The following SPHK1 variants were observed in gnomAD, a reference collection of about 807,000 sequenced individuals.
SPHK1 encodes the protein sphingosine kinase 1, also known as SK 1.
A neutral mutation model predicts 14.6 loss-of-function variants in SPHK1; 10 were observed. That is an observed-to-expected ratio of 0.68 (90% confidence interval 0.42 to 1.16). The LOEUF is 1.16. SPHK1 is among the 50% of genes most tolerant of loss of function. The pLI is 0.00. For synonymous variants in SPHK1, 274 were observed against 224.0 expected (o/e 1.22, Z -1.99); for missense variants, 553 against 525.4 (o/e 1.05, Z -0.51).
Position 76,385,220 on chromosome 17 carries a change from G to C in SPHK1, c.-194-231G>C, listed in dbSNP as rs995769092. 6.4e-7 allele frequency: 1 copy of C among 1,551,754 alleles called. No homozygotes were observed. Among genetic ancestry groups the C allele is most frequent in the African/African-American group, 1.4e-5 (1 of 73,386 alleles). Reference sequence around the variant, plus strand: ...GCCACGGGGCTCTGACTCATCCGTCGGGCCGGAACCGAACCCCAAGCCCCA... The same window carrying C: ...GCCACGGGGCTCTGACTCATCCGTCCGGCCGGAACCGAACCCCAAGCCCCA... On this transcript the variant is annotated intron_variant, in intron 1 of 5. Coordinates refer to ENST00000592299, the MANE Select transcript of SPHK1 (RefSeq NM_001142601.2). This position sits in a 1 kb window ranked among gnomAD's most constrained non-coding sequence, Gnocchi z 5.3.
rs1235296533 is a variant in SPHK1, at chr17:76,385,183, C to T, written c.-194-268C>T. 6.3e-7 allele frequency: 1 copy of T among 1,578,968 alleles called. No homozygotes were observed. Among genetic ancestry groups the T allele is most frequent in the Non-Finnish European group, 8.6e-7 (1 of 1,163,830 alleles). ...CAGCCCCGAGGGGTGAGGAGCTAGTCCGTCGGAGGGAGCCACGGGGCTCTG... is the reference window on the plus strand; with the variant it reads ...CAGCCCCGAGGGGTGAGGAGCTAGTTCGTCGGAGGGAGCCACGGGGCTCTG... On this transcript the variant is annotated intron_variant, in intron 1 of 5. Coordinates refer to ENST00000592299, the MANE Select transcript of SPHK1 (RefSeq NM_001142601.2). This position sits in a 1 kb window ranked among gnomAD's most constrained non-coding sequence, Gnocchi z 5.3.
chr17:76,387,507 T>C lies in SPHK1; in HGVS notation c.1076T>C (p.Phe359Ser). ...CAGGGCCAGGTGCACCCAAACTACTTCTGGATGGTCAGCGGTTGCGTGGAG... is the reference window on the plus strand; with the variant it reads ...CAGGGCCAGGTGCACCCAAACTACTCCTGGATGGTCAGCGGTTGCGTGGAG... ...AVQGQVHPNY[F>S]WMVSGCVEPP... The change falls in exon 6 of 6, where the codon TTC becomes TCC. Residue 359 changes from phenylalanine (F) to serine (S), a missense_variant. Transcript: ENST00000592299. This position sits in a 1 kb window ranked among gnomAD's most constrained non-coding sequence, Gnocchi z 4.1. The C allele has an allele frequency of 3.1e-6, 5 of 1,612,694 alleles. No individual in the cohort carries two copies. Among genetic ancestry groups the C allele is most frequent in the Non-Finnish European group, 4.2e-6 (5 of 1,179,854 alleles).
At chr17:76,383,745 G>A (rs2071908263), upstream of SPHK1, 4 of 939,598 alleles carry the variant, frequency 4.3e-6, no homozygotes, top group Admixed American at 7.3e-5. Context: ...CAAACACACT[G>A]ACAAACGCGT....
At chr17:76,384,959 G>T in intron 1 of SPHK1, 153 bp downstream of exon 1, 3 of 901,710 alleles carry the variant, frequency 3.3e-6, no homozygotes, top group South Asian at 2.1e-5. Flanking sequence ...CCCGGGAGCG[G>T]CTCCCACGAG....
chr17:76,386,768 G>T lies in SPHK1; in HGVS notation c.375-38G>T. On this transcript the variant is annotated intron_variant, in intron 5 of 5. Coordinates refer to ENST00000592299, the MANE Select transcript of SPHK1 (RefSeq NM_001142601.2). This position sits in a 1 kb window ranked among gnomAD's most constrained non-coding sequence, Gnocchi z 5.3. ...AGGAGGAAGCGGGGGATACATGGGG[G>T]CTCCTGTCCTGCCTTATCTGACTTT... 6.6e-7 allele frequency: 1 copy of T among 1,515,678 alleles called. No individual in the cohort carries two copies. 93.9% of individuals were successfully genotyped at this position (1,515,678 alleles called of 1,614,324 possible).
At chr17:76,384,984 C>A in intron 1 of SPHK1, 178 bp downstream of exon 1, 1 of 1,186,670 alleles carries the variant, frequency 8.4e-7, no homozygotes, top group Non-Finnish European at 1.1e-6. Context: ...GCGCGCGTCG[C>A]AACGGAGCGG....
chr17:76,386,542 C>T lies in SPHK1; in HGVS notation c.374+34C>T, dbSNP rs772531834. 3.8e-6 allele frequency: 6 copies of T among 1,573,570 alleles called. No homozygotes were observed. Among genetic ancestry groups the T allele is most frequent in the East Asian group, 4.5e-5 (2 of 44,464 alleles). ...CCAGGGCCAGAGTAGGCCTGTTTCC[C>T]GTCAGTGCTCCTCTACCGCGGGGGT... On this transcript the variant is annotated intron_variant, in intron 5 of 5. Coordinates refer to ENST00000592299, the MANE Select transcript of SPHK1 (RefSeq NM_001142601.2). This position sits in a 1 kb window ranked among gnomAD's most constrained non-coding sequence, Gnocchi z 5.3.
In SPHK1 at chr17:76,386,060, A is replaced by G; in HGVS notation, c.86A>G (p.Lys29Arg). 1.2e-6 allele frequency: 2 copies of G among 1,608,320 alleles called. No individual in the cohort carries two copies. Among genetic ancestry groups the G allele is most frequent in the African/African-American group, 2.7e-5 (2 of 74,944 alleles). The change falls in exon 3 of 6, where the codon AAG becomes AGG. Residue 29 changes from lysine to arginine, a missense_variant. By Grantham distance (26) the Lys-to-Arg change is conservative. Transcript: ENST00000592299. The surrounding 1 kb of genome is among the most constrained non-coding windows in gnomAD (Gnocchi z 5.3). The stretch of plus-strand genomic sequence containing the variant: ...CTGAACCCGCGCGGCGGCAAGGGCA[A>G]GGCCTTGCAGCTCTTCCGGAGTCAC... The part of the protein sequence containing the change: ...VLLNPRGGKG[K>R]ALQLFRSHVQ...
Position 76,384,800 on chromosome 17 carries a change from C to T in SPHK1, c.-201C>T, listed in dbSNP as rs2071932337. On this transcript the variant is annotated 5_prime_UTR_variant, in exon 1 of 6. Coordinates refer to ENST00000592299, the MANE Select transcript of SPHK1 (RefSeq NM_001142601.2). ...GTGGCGCCTCCCCAGCAAACCGGAC[C>T]GACTGGGTAGGGCCGCCCACCCTGC... 1.5e-5 allele frequency: 4 copies of T among 266,552 alleles called. No individual in the cohort carries two copies. In the South Asian group the frequency reaches 2.6e-4, roughly 17 times the overall value. 16.5% of individuals were successfully genotyped at this position (266,552 alleles called of 1,614,324 possible). A position where few individuals can be genotyped will look rare whatever the true frequency, so the allele number is the denominator to read the frequency against.
chr17:76,385,097 T>C lies in SPHK1; in HGVS notation c.-195+291T>C. On this transcript the variant is annotated intron_variant, in intron 1 of 5. Transcript: ENST00000592299. The surrounding 1 kb of genome is among the most constrained non-coding windows in gnomAD (Gnocchi z 5.3). ...GCAGGGATCCTCTCCCAGAACTTCGTGCCCAGCAATGTCCGCTCAAGTTCT... is the reference window on the plus strand; with the variant it reads ...GCAGGGATCCTCTCCCAGAACTTCGCGCCCAGCAATGTCCGCTCAAGTTCT... The C allele has an allele frequency of 6.4e-7, 1 of 1,562,614 alleles. No homozygotes were observed. The highest frequency in any genetic ancestry group is 8.7e-7 in the Non-Finnish European group (1 of 1,153,414).
chr17:76,386,261 G>A lies in SPHK1; in HGVS notation c.204G>A (p.Glu68=). 6.3e-7 allele frequency: 1 copy of A among 1,595,900 alleles called. No individual in the cohort carries two copies. Residue 68 remains glutamate, a synonymous_variant, in exon 4 of 6, where the codon GAG becomes GAA. Coordinates refer to ENST00000592299, the MANE Select transcript of SPHK1 (RefSeq NM_001142601.2). This position sits in a 1 kb window ranked among gnomAD's most constrained non-coding sequence, Gnocchi z 5.3. ...CGCGGGAGCTGGTGCGGTCGGAGGAGCTGGGCCGCTGGGACGCTCTGGTGG... is the reference window on the plus strand; with the variant it reads ...CGCGGGAGCTGGTGCGGTCGGAGGAACTGGGCCGCTGGGACGCTCTGGTGG... The part of the protein sequence containing the change: ...NHARELVRSE[E]LGRWDALVVM...
At position 76,385,722 on chromosome 17, in the gene SPHK1, C is replaced by A; in HGVS notation, c.10+68C>A. On this transcript the variant is annotated intron_variant, in intron 2 of 5. Transcript: ENST00000592299. This position sits in a 1 kb window ranked among gnomAD's most constrained non-coding sequence, Gnocchi z 5.3. ...GTTCCTCGCCAGGAATGATGGAACG[C>A]CCAGCTGGACGAAAGGGGCTGTGGA... 1.4e-6 allele frequency: 2 copies of A among 1,470,180 alleles called. No individual in the cohort carries two copies. The allele number at this position is 1,470,180 out of a possible 1,614,324, so 91.1% of individuals were successfully genotyped here.
Position 76,386,313 on chromosome 17 carries a change from G to C in SPHK1, c.256G>C (p.Glu86Gln). 6.2e-7 allele frequency: 1 copy of C among 1,605,798 alleles called. No individual in the cohort carries two copies. Among genetic ancestry groups the C allele is most frequent in the South Asian group, 1.1e-5 (1 of 90,924 alleles). Residue 86 changes from glutamate (E) to glutamine (Q), a missense_variant and splice_region_variant, in exon 4 of 6, where the codon GAG becomes CAG. By Grantham distance (29) the Glu-to-Gln change is conservative. Coordinates refer to ENST00000592299, the MANE Select transcript of SPHK1 (RefSeq NM_001142601.2). The surrounding 1 kb of genome is among the most constrained non-coding windows in gnomAD (Gnocchi z 5.3). ...VVMSGDGLMH[E>Q]VVNGLMERPD... ...CATGTCTGGAGACGGGCTGATGCAC[G>C]AGGTGAGGACCGCACTGCGCGGCTA...
chr17:76,384,962 C>T (rs2071935417), intron 1 of SPHK1, 156 bp downstream of exon 1: 1 of 942,950 alleles, frequency 1.1e-6, no homozygotes, highest in Non-Finnish European at 1.5e-6. Context: ...GGGAGCGGCT[C>T]CCACGAGCGC....
Position 76,386,180 on chromosome 17 carries a change from G to A in SPHK1, c.164-41G>A. 6.3e-7 allele frequency: 1 copy of A among 1,588,872 alleles called. No homozygotes were observed. Among genetic ancestry groups the A allele is most frequent in the Non-Finnish European group, 8.5e-7 (1 of 1,170,716 alleles). On this transcript the variant is annotated intron_variant, in intron 3 of 5. Coordinates refer to ENST00000592299, the MANE Select transcript of SPHK1 (RefSeq NM_001142601.2). This position sits in a 1 kb window ranked among gnomAD's most constrained non-coding sequence, Gnocchi z 5.3. The stretch of plus-strand genomic sequence containing the variant: ...GGGGTTTCGGGAGCATCCCCTGGCA[G>A]GGGACCCCCCCAGTCCTGATAGCTG...
chr17:76,387,686 C>G lies in SPHK1; in HGVS notation c.*100C>G, dbSNP rs776304273. 3.3e-5 allele frequency: 43 copies of G among 1,320,286 alleles called. No homozygotes were observed. The highest frequency in any genetic ancestry group is 4.4e-5 in the Non-Finnish European group (43 of 984,408). The allele number at this position is 1,320,286 out of a possible 1,614,324, so 81.8% of individuals were successfully genotyped here. A position where few individuals can be genotyped will look rare whatever the true frequency, so the allele number is the denominator to read the frequency against. ...ACAGCTCCTGTGGGGGTGGAGGAGACTCCTCTGGAGAAGGGTGAGAAGGTG... is the reference window on the plus strand; with the variant it reads ...ACAGCTCCTGTGGGGGTGGAGGAGAGTCCTCTGGAGAAGGGTGAGAAGGTG... On this transcript the variant is annotated 3_prime_UTR_variant, in exon 6 of 6. Coordinates refer to ENST00000592299, the MANE Select transcript of SPHK1 (RefSeq NM_001142601.2). The surrounding 1 kb of genome is among the most constrained non-coding windows in gnomAD (Gnocchi z 4.1).
rs2071944127 is a variant in SPHK1, at chr17:76,385,229, C to A, written c.-194-222C>A. ...CTCTGACTCATCCGTCGGGCCGGAACCGAACCCCAAGCCCCAGGGAGAAAG... is the reference window on the plus strand; with the variant it reads ...CTCTGACTCATCCGTCGGGCCGGAAACGAACCCCAAGCCCCAGGGAGAAAG... On this transcript the variant is annotated intron_variant, in intron 1 of 5. Transcript: ENST00000592299. The surrounding 1 kb of genome is among the most constrained non-coding windows in gnomAD (Gnocchi z 5.3). 1.9e-6 allele frequency: 3 copies of A among 1,545,622 alleles called. No individual in the cohort carries two copies. Among genetic ancestry groups the A allele is most frequent in the Admixed American group, 2.0e-5 (1 of 50,072 alleles).
chr17:76,384,275 G>T (rs987057663), upstream of SPHK1: 2 of 152,048 alleles, frequency 1.3e-5, no homozygotes, highest in East Asian at 3.9e-4. Flanking sequence ...TTCGCGCGGA[G>T]CCCGCGCCTC....
rs775944234 is a variant in SPHK1 at position 76,386,497 on chromosome 17, C to T, written c.363C>T (p.Asn121=). The T allele has an allele frequency of 6.2e-7, 1 of 1,612,142 alleles. No homozygotes were observed. Among genetic ancestry groups the T allele is most frequent in the Non-Finnish European group, 8.5e-7 (1 of 1,179,702 alleles). Residue 121 remains asparagine, a synonymous_variant, in exon 5 of 6, where the codon AAC becomes AAT. Coordinates refer to ENST00000592299, the MANE Select transcript of SPHK1 (RefSeq NM_001142601.2). This position sits in a 1 kb window ranked among gnomAD's most constrained non-coding sequence, Gnocchi z 5.3. The stretch of plus-strand genomic sequence containing the variant: ...GCAACGCGCTGGCAGCTTCCTTGAA[C>T]CATTATGCTGGGTGAGAGCCCAGGG... ...GSGNALAASL[N]HYAGYEQVTN...
Sources: allele counts gnomAD v4.1 joint callset, GRCh38; gene constraint gnomAD v4.1.1; non-coding constraint Gnocchi (gnomAD v3.1); transcripts MANE v1.5; gene names NCBI Gene and HGNC (gene_info 2026-07-23, HGNC 2026-07-21).